MCM3AP: variants seen among roughly 807,000 people sequenced by gnomAD.
MCM3AP encodes germinal-center associated nuclear protein.
Under a neutral mutation model 184.1 loss-of-function variants are expected in MCM3AP, and 126 were observed. The observed-to-expected ratio is 0.68, with a 90% CI of 0.59 to 0.79. The LOEUF (loss-of-function observed/expected upper bound fraction) is 0.79, where lower values mean the gene tolerates loss of function less well. MCM3AP is among the 30% of genes least tolerant of loss of function. MCM3AP has a pLI of 0.00. For missense variants in MCM3AP, 2,496 were observed against 2,479.2 expected, an observed-to-expected ratio of 1.01 and a Z score of -0.14; for synonymous variants, 1,002 against 979.3, an observed-to-expected ratio of 1.02 and a Z score of -0.43.
chr21:46,246,840 G>A lies in MCM3AP; in HGVS notation c.4337C>T (p.Thr1446Ile). The A allele has an allele frequency of 1.9e-6, 3 of 1,614,188 alleles. No homozygotes were observed. Among genetic ancestry groups the A allele is most frequent in the Non-Finnish European group, 1.7e-6 (2 of 1,180,018 alleles). ...LSDGAIDAVETQKDLLGASGL... is the reference protein window; with the variant it reads ...LSDGAIDAVEIQKDLLGASGL... ...ACTGGCTCCCAGGAGGTCCTTCTGT[G>A]TCTCCACAGCATCAATGGCACCATC... The change falls in exon 21 of 28, where the codon ACA becomes ATA. Residue 1446 changes from threonine (T) to isoleucine (I), a missense_variant. Physicochemically the swap from Thr to Ile is moderately conservative, Grantham distance 89. Transcript: ENST00000291688.
At chr21:46,241,115 G>T in intron 25 of MCM3AP, 98 bp from the exon 26 acceptor site, 2 of 866,870 alleles carry the variant, frequency 2.3e-6, no homozygotes, top group South Asian at 1.5e-5. Context: ...GCATTAACAT[G>T]TAAGAACATG....
intron 10 of MCM3AP, 69 bp downstream of exon 10, chr21:46,266,913 A>G (rs1019901585): frequency 6.3e-5 from 98 of 1,546,508 alleles, no homozygotes; most frequent in Admixed American, 1.8e-5. Context: ...CCAGCCCTTC[A>G]CAGCCCTTCA....
chr21:46,266,960 C>T (rs568330129), intron 10 of MCM3AP, 22 bp downstream of exon 10: 1 of 1,613,376 alleles, frequency 6.2e-7, no homozygotes, highest in East Asian at 2.2e-5. Flanking sequence ...AGGGGCCCCA[C>T]AGTTCCATTC....
intron 20 of MCM3AP, among the ~76,000 whole-genome samples, chr21:46,248,459 A>G (rs1462685250): frequency 6.6e-6 from 1 of 152,224 alleles, no homozygotes; most frequent in Admixed American, 6.5e-5. Flanking sequence ...CCCTCCAAAA[A>G]GCCTGGCTTG....
chr21:46,248,296 T>C (rs1419897286), intron 20 of MCM3AP, among the ~76,000 whole-genome samples: 1 of 152,074 alleles, frequency 6.6e-6, no homozygotes, highest in Non-Finnish European at 1.5e-5. Flanking sequence ...TGCAGGGCCA[T>C]GGTCAGGCAC....
At chr21:46,246,113 A>G (rs758900028) in intron 22 of MCM3AP, among the ~76,000 whole-genome samples, 194 bp downstream of exon 22, 14 of 152,224 alleles carry the variant, frequency 9.2e-5, no homozygotes, top group Non-Finnish European at 1.6e-4. Context: ...GGGAGACTGA[A>G]GTGGGAAGAT....
Position 46,284,290 on chromosome 21 carries a change from G to A in MCM3AP, c.997C>T (p.Arg333Trp). ...GTCCGACCAAATAAAGTACCTCCCC[G>A]GGGTCGATTCAGGCGGACAGGTCGT... ...DKRPVRLNRP[R>W]GGTLFGRTIQ... Residue 333 changes from arginine to tryptophan, a missense_variant, in exon 1 of 28, where the codon CGG (arginine) becomes TGG (tryptophan). Physicochemically the swap from Arg to Trp is moderately radical, Grantham distance 101. Transcript: ENST00000291688. 1 of 1,614,152 alleles carries A rather than the reference G, an allele frequency of 6.2e-7. No homozygotes were observed. Among genetic ancestry groups the A allele is most frequent in the Non-Finnish European group, 8.5e-7 (1 of 1,180,026 alleles).
chr21:46,266,839 TC>T, intron 10 of MCM3AP, 142 bp downstream of exon 10: 1 of 875,876 alleles, frequency 1.1e-6, no homozygotes, highest in Non-Finnish European at 1.7e-6. Flanking sequence ...CCCCAGCCAT[TC>T]TGAGTCTCGT....
intron 6 of MCM3AP, among the ~76,000 whole-genome samples, chr21:46,273,787 T>C (rs922887547): frequency 3.9e-5 from 6 of 152,174 alleles, no homozygotes; most frequent in African/African-American, 1.4e-4. Context: ...TTGGCAAATA[T>C]GACAAGGAGT....
At chr21:46,236,708 G>A (rs2080532132) in intron 27 of MCM3AP, 121 bp downstream of exon 27, 2 of 673,976 alleles carry the variant, frequency 3.0e-6, no homozygotes, top group Admixed American at 5.9e-5. Context: ...GGTCTAATTT[G>A]AGCTAATAAT....
intron 4 of MCM3AP, among the ~76,000 whole-genome samples, chr21:46,279,084 G>A (rs984296431): frequency 1.3e-5 from 2 of 150,538 alleles, no homozygotes; most frequent in East Asian, 2.0e-4. Context: ...TCAGGAGTTC[G>A]AGACCAGCCT....
At position 46,280,006 on chromosome 21, in the gene MCM3AP, G is replaced by T. The variant is rs768858332; in HGVS notation, c.1654C>A (p.Leu552Ile). 2 of 1,612,092 alleles carry T rather than the reference G, an allele frequency of 1.2e-6. No individual in the cohort carries two copies. The highest frequency in any genetic ancestry group is 2.2e-5 in the South Asian group (2 of 90,932). ...KAAGRTGASS[L>I]LNKSSPVKKP... ...GACCGATCCCACCTTTTATTCAGGAGGCTGCTAGCACCAGTCCTCCCTGCG... is the reference window on the plus strand; with the variant it reads ...GACCGATCCCACCTTTTATTCAGGATGCTGCTAGCACCAGTCCTCCCTGCG... Residue 552 changes from leucine (L) to isoleucine (I), a missense_variant, in exon 4 of 28, where the codon CTC becomes ATC. This residue lies in a region of MCM3AP where 800 missense variants were observed against 717.1 expected (regional missense o/e 1.12). Transcript: ENST00000291688.
intron 6 of MCM3AP, 138 bp from the exon 7 acceptor site, chr21:46,273,723 A>T: frequency 1.5e-6 from 1 of 668,496 alleles, no homozygotes; most frequent in African/African-American, 1.8e-5. Context: ...TCAACATAAA[A>T]TTTCTGTTAA....
chr21:46,269,223 C>T (rs899659009), intron 9 of MCM3AP, among the ~76,000 whole-genome samples: 1 of 152,048 alleles, frequency 6.6e-6, no homozygotes, highest in Non-Finnish European at 1.5e-5. Context: ...AAGCGATCCT[C>T]CCACCTCAGC....
chr21:46,262,416 G>A (rs1481817479), intron 13 of MCM3AP, among the ~76,000 whole-genome samples: 1 of 152,170 alleles, frequency 6.6e-6, no homozygotes, highest in African/African-American at 2.4e-5. Flanking sequence ...AGGAGGCTGA[G>A]GTGGGAGCAC....
chr21:46,242,685 T>C (rs1038239471), intron 25 of MCM3AP, 117 bp downstream of exon 25: 10 of 990,356 alleles, frequency 1.0e-5, no homozygotes, highest in Non-Finnish European at 1.3e-5. Context: ...CCTTGAGGAT[T>C]TGTCACAGTC....
intron 9 of MCM3AP, 138 bp downstream of exon 9, chr21:46,270,263 C>T (rs1045596178): frequency 3.9e-6 from 3 of 771,878 alleles, no homozygotes; most frequent in Non-Finnish European, 4.2e-6. Context: ...CACCGGTAAC[C>T]CCTTCGTGGG....
chr21:46,280,724 C>G, intron 2 of MCM3AP, 149 bp from the exon 3 acceptor site: 1 of 610,408 alleles, frequency 1.6e-6, no homozygotes, highest in East Asian at 2.7e-5. Context: ...TCCACCCACA[C>G]GTCTGCTAAC....
At chr21:46,275,538 C>A (rs2081245025) in intron 5 of MCM3AP, among the ~76,000 whole-genome samples, 1 of 152,068 alleles carries the variant, frequency 6.6e-6, no homozygotes, top group African/African-American at 2.4e-5. Context: ...TCCCAAAGAC[C>A]CGAGTCCACC....
Sources: allele counts gnomAD v4.1 joint callset (sites outside exome capture counted in the v4.1 genomes callset), GRCh38; gene constraint gnomAD v4.1.1; regional missense constraint gnomAD v4.1.1; transcripts MANE v1.5; gene names NCBI Gene and HGNC (gene_info 2026-07-23, HGNC 2026-07-21).